The following TMEM209 variants were observed in gnomAD, a reference collection of about 807,000 sequenced individuals.
The protein encoded by TMEM209 is testicular tissue protein Li 202.
Under a neutral mutation model 76.2 loss-of-function variants are expected in TMEM209, and 65 were observed. The ratio of observed to expected loss-of-function variants is 0.85; its 90% CI spans 0.70 to 1.05. TMEM209 has a LOEUF of 1.05. TMEM209 is among the 50% of genes least tolerant of loss of function. The pLI is 0.00. For synonymous variants in TMEM209, 239 were observed against 237.6 expected, an observed-to-expected ratio of 1.01 and a Z score of -0.06; for missense variants, 623 against 685.5, an observed-to-expected ratio of 0.91 and a Z score of 1.02.
chr7:130,184,596 A>T (rs1382602117), intron 7 of TMEM209, among the ~76,000 whole-genome samples: 1 of 151,646 alleles, frequency 6.6e-6, no homozygotes, highest in African/African-American at 2.4e-5. Context: ...AGGTTCAAGC[A>T]ATCCTCCCGC....
intron 5 of TMEM209, among the ~76,000 whole-genome samples, chr7:130,194,520 A>C (rs188706042): frequency 9.2e-5 from 14 of 152,318 alleles, no homozygotes; most frequent in African/African-American, 2.6e-4. Context: ...ACCCAGAGAT[A>C]ATATAATCCT....
intron 14 of TMEM209, among the ~76,000 whole-genome samples, chr7:130,167,147 A>G (rs891018063): frequency 6.6e-6 from 1 of 152,148 alleles, no homozygotes; most frequent in African/African-American, 2.4e-5. Flanking sequence ...TGGAACTATG[A>G]GAGTAATAAC....
chr7:130,180,088 G>A lies in TMEM209; in HGVS notation c.1120+1535C>T, dbSNP rs918665243. ...AGATTTAGGTAAGAGGATATGCACC[G>A]TAGCATTATTGGTAAAGGTAATTAC... is the stretch of plus-strand genomic sequence containing the variant. On this transcript the variant is annotated intron_variant, in intron 9 of 14. Coordinates refer to ENST00000397622, the MANE Select transcript of TMEM209 (RefSeq NM_032842.4). Among the ~76,000 whole-genome samples, 8 of 152,210 alleles carry A rather than the reference G, an allele frequency of 5.3e-5. No homozygotes were observed. The East Asian group carries it at 1.2e-3, about 22-fold the overall frequency.
intron 6 of TMEM209, among the ~76,000 whole-genome samples, chr7:130,188,595 C>CAAAA (rs10649977): frequency 4.5e-4 from 33 of 72,672 alleles, no homozygotes; most frequent in Admixed American, 6.1e-4. Context: ...GACTCCGTAT[C>CAAAA]AAAAAAAAAA....
Position 130,178,483 on chromosome 7 carries a change from G to A in TMEM209, c.1165C>T (p.Pro389Ser). The A allele has an allele frequency of 6.2e-7, 1 of 1,613,788 alleles. No individual in the cohort carries two copies. Among genetic ancestry groups the A allele is most frequent in the South Asian group, 1.1e-5 (1 of 91,072 alleles). Residue 389 changes from proline (P) to serine (S), a missense_variant, in exon 10 of 15, where the codon CCT becomes TCT. Pro to Ser is a moderately conservative substitution (Grantham distance 74). Transcript: ENST00000397622. ...ATTGTGTTCAAAGTCGGAATGAGAG[G>A]CGCTTTAACCAGGGCAGCTTGTTTC... ...SLKQAALVKA[P>S]LIPTLNTIVQ...
intron 9 of TMEM209, among the ~76,000 whole-genome samples, chr7:130,180,954 CT>C (rs1797390786): frequency 6.6e-6 from 1 of 152,160 alleles, no homozygotes; most frequent in Non-Finnish European, 1.5e-5. Flanking sequence ...AATTCCACCC[CT>C]AGGTATATAC....
At chr7:130,205,070 A>G (rs763240218) in intron 1 of TMEM209, 322 of 1,356,140 alleles carry the variant, frequency 2.4e-4, no homozygotes, top group Non-Finnish European at 2.5e-4. Flanking sequence ...AGCTAGGCTC[A>G]ACTCTTACAG....
intron 13 of TMEM209, among the ~76,000 whole-genome samples, chr7:130,171,312 T>C (rs142430330): frequency 5.4e-4 from 82 of 152,354 alleles, no homozygotes; most frequent in African/African-American, 1.9e-3. Context: ...GGCAGCATAT[T>C]GCTAGCTCTA....
rs1261832721 is a variant in TMEM209 at position 130,187,372 on chromosome 7, C to G, written c.776-2005G>C. Among the ~76,000 whole-genome samples, 3 of 151,944 alleles carry G rather than the reference C, an allele frequency of 2.0e-5. No individual in the cohort carries two copies. The East Asian group carries it at 5.8e-4, about 29-fold the overall frequency. On this transcript the variant is annotated intron_variant, in intron 6 of 14. Coordinates refer to ENST00000397622, the MANE Select transcript of TMEM209 (RefSeq NM_032842.4). ...AAAAGAGAATTAAAAATCTAAATAG[C>G]CTGTAAGAGGCTGCTGTGGCGTGGC...
chr7:130,193,476 T>C (rs926960528), intron 5 of TMEM209, among the ~76,000 whole-genome samples: 1 of 151,328 alleles, frequency 6.6e-6, no homozygotes, highest in African/African-American at 2.4e-5. Flanking sequence ...GAGGCGGAGG[T>C]TGTGGCGAGC....
rs747788294 is a variant in TMEM209 at position 130,192,634 on chromosome 7, T to C, written c.763A>G (p.Arg255Gly). Residue 255 changes from arginine to glycine, a missense_variant, in exon 6 of 15, where the codon AGG becomes GGG. By Grantham distance (125) the Arg-to-Gly change is moderately radical. Coordinates refer to ENST00000397622, the MANE Select transcript of TMEM209 (RefSeq NM_032842.4). ...AATATATATGTACCCAGCTTAACCC[T>C]ATGCTGTTTCTCCTCTTCACTTCTG... The part of the protein sequence containing the change: ...FLRSEEEKQH[R>G]VKLGSPDSTS... 2.5e-6 allele frequency: 4 copies of C among 1,613,624 alleles called. No homozygotes were observed. The highest frequency in any genetic ancestry group is 1.3e-5 in the African/African-American group (1 of 75,042).
At chr7:130,195,317 G>C (rs929294761) in intron 5 of TMEM209, among the ~76,000 whole-genome samples, 2 of 151,728 alleles carry the variant, frequency 1.3e-5, no homozygotes, top group Non-Finnish European at 2.9e-5. Context: ...GCAATATTTT[G>C]GCCCCACTTT....
intron 14 of TMEM209, among the ~76,000 whole-genome samples, chr7:130,168,964 G>A (rs1358845935): frequency 6.6e-6 from 1 of 152,078 alleles, no homozygotes; most frequent in Non-Finnish European, 1.5e-5. Context: ...ATAGCTGGGT[G>A]TGGTGGCTCA....
chr7:130,189,194 T>C (rs1463602788), intron 6 of TMEM209, among the ~76,000 whole-genome samples: 1 of 152,126 alleles, frequency 6.6e-6, no homozygotes, highest in Non-Finnish European at 1.5e-5. Context: ...TTGTCATTAT[T>C]CATTTATTTA....
intron 5 of TMEM209, among the ~76,000 whole-genome samples, chr7:130,198,569 C>G (rs1798075528): frequency 6.6e-6 from 1 of 152,172 alleles, no homozygotes; most frequent in South Asian, 2.1e-4. Flanking sequence ...CGAGATCACA[C>G]CACTGCACTC....
Position 130,185,274 on chromosome 7 carries a change from T to C in TMEM209, c.869A>G (p.Gln290Arg). 2 of 1,614,058 alleles carry C rather than the reference T, an allele frequency of 1.2e-6. No individual in the cohort carries two copies. Among genetic ancestry groups the C allele is most frequent in the Middle Eastern group, 1.6e-4 (1 of 6,062 alleles). ...GDYAQTLKKF[Q>R]YQLACRSQAP... ...CTGAGACCTACAGGCAAGCTGATAC[T>C]GAAACTTCTTTAAAGTTTGTGCATA... Residue 290 changes from glutamine to arginine, a missense_variant, in exon 7 of 15, where the codon CAG (glutamine) becomes CGG (arginine). Coordinates refer to ENST00000397622, the MANE Select transcript of TMEM209 (RefSeq NM_032842.4).
chr7:130,203,821 A>G lies in TMEM209; in HGVS notation c.166T>C (p.Tyr56His). ...CAGAGGGGCCAGTATGTCACATTGT[A>G]GTATGAACTAATCAATTTTCCAGTC... The part of the protein sequence containing the change: ...EMTGKLISSY[Y>H]NVTYWPLWYI... Residue 56 changes from tyrosine (Y) to histidine (H), a missense_variant, in exon 3 of 15, where the codon TAC (tyrosine) becomes CAC (histidine). Transcript: ENST00000397622. The G allele has an allele frequency of 6.2e-7, 1 of 1,605,390 alleles. No individual in the cohort carries two copies.
intron 5 of TMEM209, among the ~76,000 whole-genome samples, chr7:130,196,541 A>G (rs986664157): frequency 1.3e-5 from 2 of 152,190 alleles, no homozygotes; most frequent in Non-Finnish European, 2.9e-5. Flanking sequence ...GTCTTCCCCA[A>G]ATTCATATGT....
rs372766670 is a variant in TMEM209 at position 130,205,382 on chromosome 7, T to C, written c.-7A>G. The C allele has an allele frequency of 3.2e-5, 52 of 1,613,700 alleles. No homozygotes were observed. The highest frequency in any genetic ancestry group is 3.8e-5 in the Non-Finnish European group (45 of 1,179,896). On this transcript the variant is annotated 5_prime_UTR_variant, in exon 1 of 15. Coordinates refer to ENST00000397622, the MANE Select transcript of TMEM209 (RefSeq NM_032842.4). ...GACCCCGAAAACGCACCATGTCCTC[T>C]GGCCGGAAAACGCAGGCTCGCGCCA... is the stretch of plus-strand genomic sequence containing the variant.
Sources: allele counts gnomAD v4.1 joint callset (sites outside exome capture counted in the v4.1 genomes callset), GRCh38; gene constraint gnomAD v4.1.1; transcripts MANE v1.5; gene names NCBI Gene and HGNC (gene_info 2026-07-23, HGNC 2026-07-21).